The following HIBCH variants were observed in gnomAD, a reference collection of about 807,000 sequenced individuals.
The protein encoded by HIBCH is 3-hydroxyisobutyryl-CoA hydrolase, also known as 3-hydroxyisobutyryl-CoA hydrolase, mitochondrial.
In HIBCH, 50 loss-of-function variants were observed where a neutral mutation model predicts 58.2. That is an observed-to-expected ratio of 0.86 (90% confidence interval 0.68 to 1.09). The LOEUF (loss-of-function observed/expected upper bound fraction) is 1.09. Ranked by LOEUF, HIBCH falls within the 50% of genes least tolerant of loss-of-function variation. HIBCH has a pLI of 0.00. For synonymous variants in HIBCH, 151 were observed against 146.9 expected (o/e 1.03, Z -0.20); for missense variants, 450 against 449.7 (o/e 1.00, Z -0.01).
At chr2:190,247,812 G>A (rs1443999690) in intron 9 of HIBCH, among the ~76,000 whole-genome samples, 3 of 152,090 alleles carry the variant, frequency 2.0e-5, no homozygotes, top group African/African-American at 7.2e-5. Context: ...ATGACTCACC[G>A]AAAGCTCAGA....
At chr2:190,251,290 A>G (rs1269606176) in intron 8 of HIBCH, among the ~76,000 whole-genome samples, 3 of 152,176 alleles carry the variant, frequency 2.0e-5, no homozygotes, top group Non-Finnish European at 4.4e-5. Context: ...TCATCTGATG[A>G]CCATGTGCTT....
chr2:190,274,139 G>A (rs1687484056), intron 6 of HIBCH, among the ~76,000 whole-genome samples: 1 of 152,102 alleles, frequency 6.6e-6, no homozygotes, highest in Non-Finnish European at 1.5e-5. Context: ...ATGTTGTTAT[G>A]AAAAACCCGG....
rs573446883 is a variant in HIBCH at position 190,315,376 on chromosome 2, A to C, written c.35+4340T>G. 6.6e-6 allele frequency among the ~76,000 whole-genome samples: 1 copy of C among 152,316 alleles called. No individual in the cohort carries two copies. Among genetic ancestry groups the C allele is most frequent in the South Asian group, 2.1e-4 (1 of 4,826 alleles). On this transcript the variant is annotated intron_variant, in intron 1 of 13. Coordinates refer to ENST00000359678, the MANE Select transcript of HIBCH (RefSeq NM_014362.4). This position sits in a 1 kb window ranked among gnomAD's most constrained non-coding sequence, Gnocchi z 5.4. The stretch of plus-strand genomic sequence containing the variant: ...ACAAGTACCATCAACATCCCCTGGA[A>C]ACTGACTAGAAACTGAAATTCTCTG...
At chr2:190,260,064 G>A (rs1371581447) in intron 7 of HIBCH, among the ~76,000 whole-genome samples, 4 of 152,016 alleles carry the variant, frequency 2.6e-5, no homozygotes, top group African/African-American at 7.3e-5. Context: ...TCTATTCTAC[G>A]CAATAGGGCA....
intron 8 of HIBCH, among the ~76,000 whole-genome samples, chr2:190,250,994 T>C (rs978679271): frequency 2.6e-5 from 4 of 152,056 alleles, no homozygotes; most frequent in African/African-American, 9.7e-5. Context: ...CATGATAGTC[T>C]AACTGTCAGT....
At chr2:190,245,624 G>T (rs1686583443) in intron 10 of HIBCH, among the ~76,000 whole-genome samples, 1 of 151,998 alleles carries the variant, frequency 6.6e-6, no homozygotes, top group African/African-American at 2.4e-5. Flanking sequence ...AATTCTCATG[G>T]TAGATTACTT....
downstream of HIBCH, chr2:190,199,940 C>G (rs946230684): frequency 6.2e-7 from 1 of 1,614,054 alleles, no homozygotes; most frequent in Admixed American, 1.7e-5. Context: ...AGTGAAGAAC[C>G]CTTTATGCCA....
chr2:190,227,682 T>C (rs1685951363), intron 11 of HIBCH, among the ~76,000 whole-genome samples: 1 of 152,044 alleles, frequency 6.6e-6, no homozygotes, highest in African/African-American at 2.4e-5. Context: ...ATCCAGAATC[T>C]ACAAAGAACC....
At chr2:190,266,985 G>A (rs1157441946) in intron 6 of HIBCH, among the ~76,000 whole-genome samples, 1 of 151,996 alleles carries the variant, frequency 6.6e-6, no homozygotes, top group Non-Finnish European at 1.5e-5. Flanking sequence ...TCAAACTCCT[G>A]ACCTCAAGTG....
At chr2:190,265,333 G>C (rs1388907653) in intron 6 of HIBCH, among the ~76,000 whole-genome samples, 1 of 151,866 alleles carries the variant, frequency 6.6e-6, no homozygotes, top group Non-Finnish European at 1.5e-5. Flanking sequence ...GTTTTAATTT[G>C]CATATCCTTG....
At chr2:190,230,228 AAAG>A (rs1575708364) in intron 11 of HIBCH, among the ~76,000 whole-genome samples, 2 of 152,170 alleles carry the variant, frequency 1.3e-5, no homozygotes, top group East Asian at 3.8e-4. Flanking sequence ...TCTGACCAAT[AAAG>A]AGCCTGAAAA....
Position 190,230,529 on chromosome 2 carries a change from T to C in HIBCH, c.891+14358A>G, listed in dbSNP as rs144384109. Among the ~76,000 whole-genome samples, 1,019 of 152,276 alleles carry C rather than the reference T, an allele frequency of 6.7e-3. 12 individuals carry two copies. The highest frequency in any genetic ancestry group is 0.022 in the African/African-American group (922 of 41,554). ...GGCCAATAAGGTGAAACCCCGTCTC[T>C]ACTAAAAATACAAAAATTAGCTGGG... On this transcript the variant is annotated intron_variant, in intron 11 of 13. Transcript: ENST00000359678.
intron 1 of HIBCH, among the ~76,000 whole-genome samples, chr2:190,314,980 C>G (rs1688677602): frequency 1.3e-5 from 2 of 151,762 alleles, no homozygotes; most frequent in South Asian, 4.2e-4. Flanking sequence ...CTGAGTCTCT[C>G]TCTGTCGCCC....
At chr2:190,272,561 G>C (rs1198796075) in intron 6 of HIBCH, among the ~76,000 whole-genome samples, 2 of 152,026 alleles carry the variant, frequency 1.3e-5, no homozygotes, top group African/African-American at 4.8e-5. Context: ...AAAGGTGCCT[G>C]CTACTTGACC....
At position 190,281,365 on chromosome 2, in the gene HIBCH, G is replaced by C. The variant is rs1687700209; in HGVS notation, c.438+6221C>G. The stretch of plus-strand genomic sequence containing the variant: ...AGGTCAAGCTGTACCTGGGGCACTT[G>C]AGCCATAGCGGGGACAACTGAGGAG... On this transcript the variant is annotated intron_variant, in intron 6 of 13. Transcript: ENST00000359678. This position sits in a 1 kb window ranked among gnomAD's most constrained non-coding sequence, Gnocchi z 5.4. Among the ~76,000 whole-genome samples the C allele has an allele frequency of 6.6e-6, 1 of 152,154 alleles. No individual in the cohort carries two copies. Among genetic ancestry groups the C allele is most frequent in the African/African-American group, 2.4e-5 (1 of 41,422 alleles).
chr2:190,213,054 T>A lies in HIBCH; in HGVS notation c.913A>T (p.Thr305Ser). The change falls in exon 12 of 14, where the codon ACA becomes TCA. Residue 305 changes from threonine (T) to serine (S), a missense_variant. Coordinates refer to ENST00000359678, the MANE Select transcript of HIBCH (RefSeq NM_014362.4). ...QLKVINKMSPTSLKITLRQLM... is the reference protein window; with the variant it reads ...QLKVINKMSPSSLKITLRQLM... ...TGCCTTAGTGTGATCTTTAGAGATG[T>A]TGGAGACATTTTATTAATTACCTTT... 6.2e-7 allele frequency: 1 copy of A among 1,608,644 alleles called. No individual in the cohort carries two copies. The highest frequency in any genetic ancestry group is 8.5e-7 in the Non-Finnish European group (1 of 1,175,172).
chr2:190,251,899 A>C (rs534093182), intron 8 of HIBCH, among the ~76,000 whole-genome samples: 22 of 151,778 alleles, frequency 1.4e-4, no homozygotes, highest in Admixed American at 2.6e-4. Flanking sequence ...TTTTTAAGAG[A>C]CTCTAATTGT....
At chr2:190,227,364 C>A (rs1287366674) in intron 11 of HIBCH, among the ~76,000 whole-genome samples, 4 of 152,110 alleles carry the variant, frequency 2.6e-5, no homozygotes, top group African/African-American at 9.7e-5. Flanking sequence ...ACTGGCTAGC[C>A]ATATGTAGAA....
intron 11 of HIBCH, among the ~76,000 whole-genome samples, chr2:190,230,854 A>G (rs1301941718): frequency 1.1e-4 from 16 of 152,224 alleles, no homozygotes. Context: ...TGAGTCTAGC[A>G]TAACCTTATT....
Sources: gnomAD v4.1 joint callset for allele counts (sites outside exome capture counted in the v4.1 genomes callset) on GRCh38, gnomAD v4.1.1 for gene constraint, Gnocchi (gnomAD v3.1) non-coding constraint, MANE v1.5 for transcripts, NCBI Gene and HGNC (gene_info 2026-07-23, HGNC 2026-07-21) for gene names.